SLIT3: variants seen among roughly 807,000 people sequenced by gnomAD.
SLIT3 encodes slit homolog 3 protein.
In SLIT3, 68 loss-of-function variants were observed where a neutral mutation model predicts 184.0. The ratio of observed to expected loss-of-function variants is 0.37; its 90% CI spans 0.30 to 0.45. The LOEUF (loss-of-function observed/expected upper bound fraction) is 0.45. Among genes scored for constraint, SLIT3 ranks in the 20% least tolerant of loss-of-function variants. SLIT3 has a pLI of 1.00. For synonymous variants in SLIT3, 831 were observed against 828.6 expected, an observed-to-expected ratio of 1.00 and a Z score of -0.05; for missense variants, 1,707 against 2,026.0, an observed-to-expected ratio of 0.84 and a Z score of 3.02.
chr5:169,043,753 C>A (rs1030097774), intron 4 of SLIT3, among the ~76,000 whole-genome samples: 2 of 152,116 alleles, frequency 1.3e-5, no homozygotes, highest in African/African-American at 4.8e-5. Context: ...TTCTCCATTC[C>A]CCACTCCAGT....
intron 4 of SLIT3, among the ~76,000 whole-genome samples, chr5:169,140,635 G>C (rs2098594): frequency 0.19 from 29,537 of 151,774 alleles, 2,912 homozygotes; most frequent in South Asian, 0.29. Context: ...GAGACCCTGT[G>C]TCTACAAAGA....
chr5:168,784,171 A>C (rs1465051431), intron 12 of SLIT3, among the ~76,000 whole-genome samples: 1 of 152,166 alleles, frequency 6.6e-6, no homozygotes, highest in Non-Finnish European at 1.5e-5. Context: ...AATCCACCTC[A>C]AGGTGGATAC....
At chr5:168,798,146 G>A (rs1033152854) in intron 9 of SLIT3, among the ~76,000 whole-genome samples, 2 of 152,024 alleles carry the variant, frequency 1.3e-5, no homozygotes, top group African/African-American at 4.8e-5. Context: ...GTTAAGCCTG[G>A]CAGAGATCTT....
In SLIT3 at chr5:169,211,309, C is replaced by A. The variant is rs137860218; in HGVS notation, c.342-17759G>T. On this transcript the variant is annotated intron_variant, in intron 3 of 35. Coordinates refer to ENST00000519560, the MANE Select transcript of SLIT3 (RefSeq NM_003062.4). ...CTCATGACTGGTTCCCCTGTTTCTGCTTTTGCTCCTACATCCTATTTTCCA... is the reference window on the plus strand; with the variant it reads ...CTCATGACTGGTTCCCCTGTTTCTGATTTTGCTCCTACATCCTATTTTCCA... 3.0e-3 allele frequency among the ~76,000 whole-genome samples: 455 copies of A among 152,324 alleles called. 2 individuals are homozygous for A. Among genetic ancestry groups the A allele is most frequent in the African/African-American group, 0.01 (425 of 41,574 alleles).
rs759549655 is a variant in SLIT3, at chr5:169,128,897, A to G, written c.413+64582T>C. ...TGCAGCTCACGCTCATCTGCTTGTC[A>G]CTAAAAGGCGGCTTGTATTTGGAGT... On this transcript the variant is annotated intron_variant, in intron 4 of 35. Coordinates refer to ENST00000519560, the MANE Select transcript of SLIT3 (RefSeq NM_003062.4). Among the ~76,000 whole-genome samples, 45 of 152,106 alleles carry G rather than the reference A, an allele frequency of 3.0e-4. 1 individual carries two copies. The highest frequency in any genetic ancestry group is 5.7e-4 in the Non-Finnish European group (39 of 68,042).
intron 1 of SLIT3, among the ~76,000 whole-genome samples, chr5:169,284,829 A>G: frequency 6.6e-6 from 1 of 152,226 alleles, no homozygotes; most frequent in East Asian, 1.9e-4. Context: ...TCTTACAACA[A>G]TCCTTGAGAT....
intron 5 of SLIT3, among the ~76,000 whole-genome samples, chr5:168,880,869 T>C (rs575189045): frequency 1.3e-5 from 2 of 152,360 alleles, no homozygotes; most frequent in Admixed American, 1.3e-4. Context: ...TAGCTACTTA[T>C]TAGCCAACTT....
intron 3 of SLIT3, among the ~76,000 whole-genome samples, chr5:169,221,950 G>A (rs1007667050): frequency 6.6e-6 from 1 of 152,170 alleles, no homozygotes; most frequent in African/African-American, 2.4e-5. Flanking sequence ...AAATACATAG[G>A]ATGTACAGGA....
At chr5:169,226,044 G>A (rs1487999932) in intron 3 of SLIT3, among the ~76,000 whole-genome samples, 4 of 152,146 alleles carry the variant, frequency 2.6e-5, no homozygotes, top group Non-Finnish European at 5.9e-5. Flanking sequence ...GGCAAGGGGA[G>A]AGGGAAAGGC....
intron 4 of SLIT3, among the ~76,000 whole-genome samples, chr5:169,161,595 C>T (rs297814): frequency 0.76 from 115,086 of 151,748 alleles, 43,916 homozygotes; most frequent in East Asian, 0.86. Context: ...GCTGACCATA[C>T]TGATATCAGA....
At chr5:168,680,528 TC>T (rs1182563218) in intron 32 of SLIT3, among the ~76,000 whole-genome samples, 1 of 152,166 alleles carries the variant, frequency 6.6e-6, no homozygotes, top group East Asian at 1.9e-4. Context: ...GGCTGCCAAC[TC>T]CCCCAGTTAG....
chr5:168,976,932 C>A (rs1184556661), intron 4 of SLIT3, among the ~76,000 whole-genome samples: 1 of 152,156 alleles, frequency 6.6e-6, no homozygotes, highest in Non-Finnish European at 1.5e-5. Flanking sequence ...AAGGGCGAAG[C>A]CAACACACAC....
intron 24 of SLIT3, among the ~76,000 whole-genome samples, chr5:168,711,899 G>A (rs1762571698): frequency 6.6e-6 from 1 of 152,178 alleles, no homozygotes. Context: ...TGGAGTCAAG[G>A]CAAACCTAGA....
chr5:168,882,472 C>A (rs746581139), intron 5 of SLIT3, among the ~76,000 whole-genome samples: 2 of 152,146 alleles, frequency 1.3e-5, no homozygotes, highest in African/African-American at 2.4e-5. Flanking sequence ...CAAATCTGCA[C>A]GTGATGAAAT....
chr5:168,852,386 G>T (rs1033846027), intron 5 of SLIT3, among the ~76,000 whole-genome samples: 1 of 152,194 alleles, frequency 6.6e-6, no homozygotes, highest in Non-Finnish European at 1.5e-5. Context: ...GGGCTCTAAA[G>T]ATTAAATGAT....
intron 4 of SLIT3, among the ~76,000 whole-genome samples, chr5:168,894,647 G>A (rs1581187329): frequency 6.6e-6 from 1 of 152,182 alleles, no homozygotes; most frequent in South Asian, 2.1e-4. Context: ...GTGGGAATGA[G>A]CAGTTACAGT....
chr5:169,091,997 G>A (rs994123829), intron 4 of SLIT3, among the ~76,000 whole-genome samples: 36 of 152,176 alleles, frequency 2.4e-4, no homozygotes, highest in Non-Finnish European at 4.1e-4. Context: ...CGAGGCAGGC[G>A]GATCACCTGA....
At chr5:168,758,528 T>C (rs1161026312) in intron 16 of SLIT3, among the ~76,000 whole-genome samples, 1 of 152,218 alleles carries the variant, frequency 6.6e-6, no homozygotes, top group Non-Finnish European at 1.5e-5. Context: ...TGGGTGATGT[T>C]TGTGTTGGGA....
At chr5:168,973,707 C>T (rs927963295) in intron 4 of SLIT3, among the ~76,000 whole-genome samples, 5 of 152,178 alleles carry the variant, frequency 3.3e-5, no homozygotes, top group Admixed American at 3.3e-4. Context: ...AAAAGAAGCC[C>T]CATATCCCTT....
Sources: allele counts gnomAD v4.1 joint callset (sites outside exome capture counted in the v4.1 genomes callset), GRCh38; gene constraint gnomAD v4.1.1; transcripts MANE v1.5; gene names NCBI Gene and HGNC (gene_info 2026-07-23, HGNC 2026-07-21).